Variants in GCNA observed in about 807,000 individuals in gnomAD.
GCNA encodes germ cell nuclear acidic peptidase.
In GCNA, 3 loss-of-function variants were observed where a neutral mutation model predicts 38.8. The observed-to-expected ratio is 0.08, with a 90% confidence interval of 0.04 to 0.20. The LOEUF (loss-of-function observed/expected upper bound fraction) is 0.20, where lower values mean the gene tolerates loss of function less well. GCNA is among the 10% of genes least tolerant of loss of function. The pLI is 1.00. For missense variants in GCNA, 446 were observed against 578.6 expected (o/e 0.77, Z 2.35); for synonymous variants, 195 against 240.2 (o/e 0.81, Z 1.74).
chrX:71,593,075 G>T (rs2040642094), intron 4 of GCNA, among the ~76,000 whole-genome samples: 1 of 110,922 alleles, frequency 9.0e-6, no homozygotes, highest in Admixed American at 9.6e-5. Context: ...TGTATTTTTA[G>T]TAGAGATGGG....
rs146677567 is a variant in GCNA at position 71,604,673 on chromosome X, C to T, written c.1396C>T (p.Pro466Ser). 346 of 1,206,948 alleles carry T rather than the reference C, an allele frequency of 2.9e-4. 1 individual carries two copies. The African/African-American group carries it at 5.2e-3, about 18-fold the overall frequency. ...GAAAACCAAAAATGTATCTGTGACA[C>T]CTGGTAAGCCAGTCATGCCAAGTAT... ...KAKTKNVSVT[P>S]GHKKRGPSKK... The change falls in exon 8 of 13, where the codon CCT becomes TCT. Residue 466 changes from proline to serine, a missense_variant. By Grantham distance (74) the Pro-to-Ser change is moderately conservative (BLOSUM62 -1). Transcript: ENST00000373696.
rs1281206578 is a variant in GCNA at position 71,604,122 on chromosome X, C to T, written c.845C>T (p.Ser282Leu). The change falls in exon 8 of 13, where the codon TCG becomes TTG. Residue 282 changes from serine (S) to leucine (L), a missense_variant. By Grantham distance (145) the Ser-to-Leu change is moderately radical. Transcript: ENST00000373696. ...GCTCCCGACGACAGCAGTGATGATT[C>T]GGAAGCTTCCGACGACAGCAGTGAT... ...SEAPDDSSDD[S>L]EASDDSSDDS... is the part of the protein sequence containing the mutation. 2 of 1,199,295 alleles carry T rather than the reference C, an allele frequency of 1.7e-6. No homozygotes were observed. Among genetic ancestry groups the T allele is most frequent in the East Asian group, 3.0e-5 (1 of 33,123 alleles).
intron 6 of GCNA, 79 bp from the exon 7 acceptor site, chrX:71,597,871 A>G: frequency 1.3e-6 from 1 of 785,012 alleles, no homozygotes; most frequent in Admixed American, 2.8e-5. Context: ...TCAAGATCAG[A>G]AAAGGTGAGA....
Position 71,592,912 on chromosome X carries a change from A to AT in GCNA, c.140+350dup, listed in dbSNP as rs932503079. Among the ~76,000 whole-genome samples, 36 of 110,477 alleles carry AT rather than the reference A, an allele frequency of 3.3e-4. No homozygotes were observed. The Admixed American group carries it at 3.3e-3, about 10-fold the overall frequency. ...TACTTTAGTTTTTATTTGTATTTTT[A>AT]TTTTTTTTGAGACTGAGTCTTGCTC... On this transcript the variant is annotated intron_variant, in intron 4 of 12. Coordinates refer to ENST00000373696, the MANE Select transcript of GCNA (RefSeq NM_052957.5).
intron 2 of GCNA, among the ~76,000 whole-genome samples, chrX:71,584,548 G>A (rs973020368): frequency 3.6e-5 from 4 of 111,481 alleles, no homozygotes; most frequent in African/African-American, 9.7e-5. Context: ...TGCCGCACCC[G>A]GCCTCATAGC....
At chrX:71,612,797 C>A in intron 12 of GCNA, 65 bp from the exon 13 acceptor site, 2 of 1,182,676 alleles carry the variant, frequency 1.7e-6, no homozygotes, top group South Asian at 3.7e-5. Flanking sequence ...AGGCTAACAT[C>A]TCAGAGCTGA....
At chrX:71,590,017 G>A (rs185418370) in intron 2 of GCNA, among the ~76,000 whole-genome samples, 55 of 106,023 alleles carry the variant, frequency 5.2e-4, no homozygotes, top group Non-Finnish European at 5.6e-4. Context: ...TAATCCTCCC[G>A]CCTTAGCCTC....
chrX:71,595,270 G>A (rs1219100762), intron 6 of GCNA, among the ~76,000 whole-genome samples: 5 of 110,984 alleles, frequency 4.5e-5, no homozygotes, highest in South Asian at 3.8e-4. Context: ...TAATTTTTGT[G>A]TTTTTAGTAG....
intron 6 of GCNA, among the ~76,000 whole-genome samples, chrX:71,595,168 C>T (rs1219717255): frequency 1.8e-5 from 2 of 111,989 alleles, no homozygotes; most frequent in Non-Finnish European, 3.8e-5. Flanking sequence ...GCAATCTCGG[C>T]TCACTGCAGC....
chrX:71,579,101 GGTGGCGCCAGTGGCTATGTAGGAATAC>G (rs1206707699), intron 1 of GCNA, among the ~76,000 whole-genome samples: 1 of 108,845 alleles, frequency 9.2e-6, no homozygotes, highest in African/African-American at 3.4e-5. Context: ...AGGAGCGTGT[GGTGGCGCCAGTGGCTATGTAGGAATAC>G]GTGGCGCCGG....
intron 9 of GCNA, among the ~76,000 whole-genome samples, chrX:71,607,125 G>A (rs2040774191): frequency 8.9e-6 from 1 of 111,926 alleles, no homozygotes; most frequent in Non-Finnish European, 1.9e-5. Context: ...AGTATGCTAA[G>A]CCACAAGGCC....
rs1478857434 is a variant in GCNA, at chrX:71,613,089, T to G, written c.*107T>G. 1 of 1,026,709 alleles carries G rather than the reference T, an allele frequency of 9.7e-7. No homozygotes were observed. Among genetic ancestry groups the G allele is most frequent in the African/African-American group, 1.9e-5 (1 of 53,437 alleles). 84.6% of individuals were successfully genotyped at this position (1,026,709 alleles called of 1,213,427 possible). A position where few individuals can be genotyped will look rare whatever the true frequency, so the allele number is the denominator to read the frequency against. On this transcript the variant is annotated 3_prime_UTR_variant, in exon 13 of 13. Transcript: ENST00000373696. ...ACACTTGGCAGGAATTACAAGGCAA[T>G]GAAGAATTCTTAAGGTTATCTTAGA...
In GCNA at chrX:71,612,932, A is replaced by T. The variant is rs371643737; in HGVS notation, c.2026A>T (p.Met676Leu). The part of the protein sequence containing the change: ...ICAKCKGSLV[M>L]VPLTQKDGTR... ...TGCCAAATGCAAGGGGTCTCTGGTC[A>T]TGGTGCCATTAACTCAGAAAGATGG... Residue 676 changes from methionine (M) to leucine (L), a missense_variant, in exon 13 of 13, where the codon ATG (methionine) becomes TTG (leucine). Transcript: ENST00000373696. The T allele has an allele frequency of 1.7e-6, 2 of 1,209,937 alleles. No homozygotes were observed. The highest frequency in any genetic ancestry group is 3.0e-5 in the East Asian group (1 of 33,785).
rs181616333 is a variant in GCNA at position 71,612,874 on chromosome X, C to T, written c.1968C>T (p.Tyr656=). The part of the protein sequence containing the change: ...CTGCKTRIGC[Y]TKSLDTSRFI... ...CATTCCTTCCCAGGATTGGCTGCTA[C>T]ACCAAATCGTTGGACACCAGCCGCT... Residue 656 remains tyrosine (Y), a synonymous_variant, in exon 13 of 13, where the codon TAC becomes TAT. Coordinates refer to ENST00000373696, the MANE Select transcript of GCNA (RefSeq NM_052957.5). The T allele has an allele frequency of 8.3e-7, 1 of 1,209,123 alleles. No individual in the cohort carries two copies. The highest frequency in any genetic ancestry group is 1.8e-5 in the African/African-American group (1 of 57,133).
chrX:71,601,296 G>A (rs1290753903), intron 7 of GCNA, among the ~76,000 whole-genome samples: 2 of 109,427 alleles, frequency 1.8e-5, no homozygotes, highest in African/African-American at 6.7e-5. Flanking sequence ...AGCCGAGATT[G>A]CGCCACTGCA....
At position 71,612,525 on chromosome X, in the gene GCNA, A is replaced by G. The variant is rs745960618; in HGVS notation, c.1921A>G (p.Lys641Glu). 2 of 1,209,954 alleles carry G rather than the reference A, an allele frequency of 1.7e-6. No homozygotes were observed. Among genetic ancestry groups the G allele is most frequent in the Admixed American group, 4.4e-5 (2 of 45,809 alleles). Residue 641 changes from lysine (K) to glutamate (E), a missense_variant, in exon 12 of 13, where the codon AAG becomes GAG. Lys to Glu is a moderately conservative substitution (Grantham distance 56). Transcript: ENST00000373696. Reference protein sequence around the residue: ...TRCHNYKINYKVHYECTGCKT... With the variant: ...TRCHNYKINYEVHYECTGCKT... ...TTGCCATAACTATAAGATTAACTAC[A>G]AGGTCCATTATGAATGTACTGGATG... is the stretch of plus-strand genomic sequence containing the variant.
rs138238619 is a variant in GCNA at position 71,586,049 on chromosome X, C to T, written c.59+5169C>T. Among the ~76,000 whole-genome samples, 845 of 108,483 alleles carry T rather than the reference C, an allele frequency of 7.8e-3. 12 individuals are homozygous for T. Among genetic ancestry groups the T allele is most frequent in the African/African-American group, 0.027 (809 of 29,670 alleles). 94.2% of individuals were successfully genotyped at this position (108,483 alleles called of 115,157 possible). A position where few individuals can be genotyped will look rare whatever the true frequency, so the allele number is the denominator to read the frequency against. On this transcript the variant is annotated intron_variant, in intron 2 of 12. Transcript: ENST00000373696. ...TTAAAGTAGAGTGTGATAAACGCTG[C>T]GAAGGGGCAGATGTGCATGATGCCA...
chrX:71,606,671 G>C (rs141961345), intron 9 of GCNA, among the ~76,000 whole-genome samples: 2 of 111,866 alleles, frequency 1.8e-5, no homozygotes, highest in African/African-American at 6.5e-5. Flanking sequence ...AGGTTACCCC[G>C]GACCTGAGCA....
intron 6 of GCNA, among the ~76,000 whole-genome samples, chrX:71,596,509 G>A (rs1259753539): frequency 8.9e-6 from 1 of 111,762 alleles, no homozygotes; most frequent in East Asian, 2.8e-4. Context: ...GTATTCCAGT[G>A]TATAATATTA....
Sources: allele counts gnomAD v4.1 joint callset (sites outside exome capture counted in the v4.1 genomes callset), GRCh38; gene constraint gnomAD v4.1.1; transcripts MANE v1.5; gene names NCBI Gene and HGNC (gene_info 2026-07-23, HGNC 2026-07-21).